The following NPFFR2 variants were observed in gnomAD, a reference collection of about 807,000 sequenced individuals.
NPFFR2 encodes the protein neuropeptide FF receptor 2.
NPFFR2 carries 15 observed loss-of-function variants against 13.1 expected under a neutral mutation model. That is an observed-to-expected ratio of 1.15 (90% CI 0.77 to 1.76). The LOEUF (loss-of-function observed/expected upper bound fraction) is 1.76, where lower values mean the gene tolerates loss of function less well. NPFFR2 is among the 40% of genes most tolerant of loss of function. NPFFR2 has a pLI of 0.00. For synonymous variants in NPFFR2, 190 were observed against 175.7 expected (o/e 1.08, Z -0.65); for missense variants, 572 against 503.5 (o/e 1.14, Z -1.30).
intron 3 of NPFFR2, among the ~76,000 whole-genome samples, chr4:72,139,480 T>C (rs913355400): frequency 6.6e-6 from 1 of 152,232 alleles, no homozygotes; most frequent in African/African-American, 2.4e-5. Flanking sequence ...CACATATGGC[T>C]AGACAGTTTT....
intron 1 of NPFFR2, among the ~76,000 whole-genome samples, chr4:72,127,025 G>A (rs1012321289): frequency 5.3e-5 from 8 of 152,070 alleles, no homozygotes; most frequent in Non-Finnish European, 8.8e-5. Context: ...CATATAGGCC[G>A]GGTGCGGTGG....
intron 2 of NPFFR2, among the ~76,000 whole-genome samples, chr4:72,131,372 C>T (rs568498743): frequency 6.9e-6 from 1 of 144,068 alleles, no homozygotes; most frequent in South Asian, 2.2e-4. Flanking sequence ...CGCATATTCT[C>T]ACTCATAGGT....
At chr4:72,063,922 T>A (rs1319832559) in intron 1 of NPFFR2, among the ~76,000 whole-genome samples, 2 of 152,204 alleles carry the variant, frequency 1.3e-5, no homozygotes, top group Non-Finnish European at 2.9e-5. Flanking sequence ...GGCTAGAGAA[T>A]GATTCACAGA....
chr4:72,063,559 A>G (rs143651225), intron 1 of NPFFR2, among the ~76,000 whole-genome samples: 2,219 of 152,334 alleles, frequency 0.015, 38 homozygotes, highest in Middle Eastern at 0.058. Context: ...AAAGCAGAGC[A>G]AGGTTTCAAG....
intron 1 of NPFFR2, among the ~76,000 whole-genome samples, chr4:72,105,927 A>G (rs1721407214): frequency 6.6e-6 from 1 of 152,172 alleles, no homozygotes; most frequent in South Asian, 2.1e-4. Flanking sequence ...TTTTAGTTTC[A>G]GCTAAAGCCC....
At chr4:72,122,541 TAACA>T (rs1721914144) in intron 1 of NPFFR2, among the ~76,000 whole-genome samples, 1 of 152,118 alleles carries the variant, frequency 6.6e-6, no homozygotes. Context: ...ACAGAAATCA[TAACA>T]AACAGTCTCT....
intron 1 of NPFFR2, among the ~76,000 whole-genome samples, chr4:72,115,441 G>A (rs537640996): frequency 3.9e-5 from 6 of 152,118 alleles, no homozygotes; most frequent in Non-Finnish European, 7.4e-5. Flanking sequence ...AAATATGTTC[G>A]CTGTGACTGG....
rs558460677 is a variant in NPFFR2 at position 72,135,745 on chromosome 4, TTTTC to T, written c.329-2291_329-2288del. Among the ~76,000 whole-genome samples, 558 of 152,182 alleles carry T rather than the reference TTTTC, an allele frequency of 3.7e-3. 6 individuals carry two copies. The highest frequency in any genetic ancestry group is 0.013 in the African/African-American group (538 of 41,550). On this transcript the variant is annotated intron_variant, in intron 2 of 3. Transcript: ENST00000308744. ...TTTTTCTTCCTATGTGTGTTAGTCT[TTTTC>T]TTTTATGTTTGAGGTTTCCCTAGTG... is the stretch of plus-strand genomic sequence containing the variant.
chr4:72,124,013 C>T lies in NPFFR2; in HGVS notation c.-7-4572C>T, dbSNP rs528409364. Among the ~76,000 whole-genome samples, 40 of 152,258 alleles carry T rather than the reference C, an allele frequency of 2.6e-4. No individual in the cohort carries two copies. In the South Asian group the frequency reaches 7.7e-3, roughly 29 times the overall value. ...ATGATATGATTGTATATTTAGAAAA[C>T]CCCATCGTCTCAGCCCAAAATCTCC... On this transcript the variant is annotated intron_variant, in intron 1 of 3. Transcript: ENST00000308744.
At chr4:72,134,958 T>C (rs1338295849) in intron 2 of NPFFR2, among the ~76,000 whole-genome samples, 1 of 152,116 alleles carries the variant, frequency 6.6e-6, no homozygotes, top group African/African-American at 2.4e-5. Flanking sequence ...AATGGTTTAT[T>C]GAGATGAAAC....
In NPFFR2 at chr4:72,147,773, G is replaced by A. The variant is rs753806594; in HGVS notation, c.1224G>A (p.Met408Ile). The A allele has an allele frequency of 6.3e-7, 1 of 1,586,310 alleles. No homozygotes were observed. The highest frequency in any genetic ancestry group is 8.5e-7 in the Non-Finnish European group (1 of 1,172,872). ...SAEKPQQELV[M>I]EELKETTNSS... ...AAAAACCCCAACAGGAATTAGTGAT[G>A]GAAGAATTAAAAGAAACTACTAACA... is the stretch of plus-strand genomic sequence containing the variant. The change falls in exon 4 of 4, where the codon ATG becomes ATA. Residue 408 changes from methionine to isoleucine, a missense_variant. Transcript: ENST00000308744.
In NPFFR2 at chr4:72,147,839, C is replaced by G. The variant is rs1310014423; in HGVS notation, c.*27C>G. 1 of 1,438,352 alleles carries G rather than the reference C, an allele frequency of 7.0e-7. No homozygotes were observed. The highest frequency in any genetic ancestry group is 2.3e-5 in the East Asian group (1 of 43,838). 89.1% of individuals were successfully genotyped at this position (1,438,352 alleles called of 1,614,324 possible). ...AAGAGCTAGTGTGATAATCCTAACT[C>G]TACTACGCATTATATATTTAAATCC... is the stretch of plus-strand genomic sequence containing the variant. On this transcript the variant is annotated 3_prime_UTR_variant, in exon 4 of 4. Coordinates refer to ENST00000308744, the MANE Select transcript of NPFFR2 (RefSeq NM_004885.3).
At chr4:72,122,665 T>G (rs1721922181) in intron 1 of NPFFR2, among the ~76,000 whole-genome samples, 1 of 152,084 alleles carries the variant, frequency 6.6e-6, no homozygotes. Flanking sequence ...GGTTAAAAAT[T>G]GAAATTAAGG....
At chr4:72,037,403 GA>G (rs11309179) in intron 1 of NPFFR2, among the ~76,000 whole-genome samples, 112,951 of 130,178 alleles carry the variant, frequency 0.87, 50,027 homozygotes, top group East Asian at 0.98. Flanking sequence ...GATCTTGTTT[GA>G]AAAAAAAAAA....
chr4:72,046,803 G>A (rs879371026), intron 1 of NPFFR2, among the ~76,000 whole-genome samples: 3 of 152,154 alleles, frequency 2.0e-5, no homozygotes, highest in Non-Finnish European at 2.9e-5. Flanking sequence ...ACTTTTTAGA[G>A]ATTACATAAG....
At chr4:72,032,730 G>A (rs1279141292) in intron 1 of NPFFR2, among the ~76,000 whole-genome samples, 2 of 152,172 alleles carry the variant, frequency 1.3e-5, no homozygotes, top group Non-Finnish European at 2.9e-5. Flanking sequence ...CTGGGAGTGA[G>A]ATAGGGTTTC....
intron 1 of NPFFR2, among the ~76,000 whole-genome samples, chr4:72,100,611 T>C (rs960651685): frequency 3.9e-5 from 6 of 152,072 alleles, no homozygotes; most frequent in Non-Finnish European, 7.4e-5. Flanking sequence ...TAAGGACTTA[T>C]CAGAGCAACT....
At chr4:72,076,191 A>G (rs1056731316) in intron 1 of NPFFR2, among the ~76,000 whole-genome samples, 15 of 151,600 alleles carry the variant, frequency 9.9e-5, no homozygotes, top group Admixed American at 2.0e-4. Flanking sequence ...TTTTTTTTCC[A>G]TTATAATTTA....
chr4:72,103,023 TC>T (rs1349347898), intron 1 of NPFFR2, among the ~76,000 whole-genome samples: 1 of 152,094 alleles, frequency 6.6e-6, no homozygotes, highest in Non-Finnish European at 1.5e-5. Context: ...CCACATCCTC[TC>T]CAGCACCTGT....
Sources: gnomAD v4.1 joint callset for allele counts (sites outside exome capture counted in the v4.1 genomes callset) on GRCh38, gnomAD v4.1.1 for gene constraint, MANE v1.5 for transcripts, NCBI Gene and HGNC (gene_info 2026-07-23, HGNC 2026-07-21) for gene names.